Variants in DOCK5 observed in about 807,000 individuals in gnomAD.
The protein encoded by DOCK5 is dedicator of cytokinesis 5.
A neutral mutation model predicts 251.8 loss-of-function variants in DOCK5; 142 were observed. The ratio of observed to expected loss-of-function variants is 0.56; its 90% CI spans 0.49 to 0.65. The LOEUF is 0.65. DOCK5 is among the 30% of genes least tolerant of loss of function. DOCK5 has a pLI of 0.00. For missense variants in DOCK5, 2,111 were observed against 2,312.3 expected (o/e 0.91, Z 1.79); for synonymous variants, 842 against 835.5 (o/e 1.01, Z -0.13).
chr8:25,296,527 A>G lies in DOCK5; in HGVS notation c.485A>G (p.Asp162Gly), dbSNP rs376663203. ...IDHGNRMLGLDLVVRDDNGNI... is the reference protein window; with the variant it reads ...IDHGNRMLGLGLVVRDDNGNI... ...TTTCTCTCCAGAATGCTGGGGTTAG[A>G]TCTGGTGGTGCGAGATGACAATGGG... Residue 162 changes from aspartate (D) to glycine (G), a missense_variant, in exon 7 of 52, where the codon GAT becomes GGT. Asp to Gly is a moderately conservative substitution (Grantham distance 94). Coordinates refer to ENST00000276440, the MANE Select transcript of DOCK5 (RefSeq NM_024940.8). 7.1e-5 allele frequency: 115 copies of G among 1,610,094 alleles called. No individual in the cohort carries two copies. Among genetic ancestry groups the G allele is most frequent in the Admixed American group, 1.9e-4 (11 of 59,454 alleles).
At chr8:25,232,369 G>T (rs1391131213) in intron 1 of DOCK5, among the ~76,000 whole-genome samples, 3 of 152,168 alleles carry the variant, frequency 2.0e-5, no homozygotes, top group Admixed American at 6.5e-5. Flanking sequence ...TTGTTATGCA[G>T]GACCAACACA....
chr8:25,197,023 A>G (rs1043828875), intron 1 of DOCK5, among the ~76,000 whole-genome samples: 2 of 136,768 alleles, frequency 1.5e-5, no homozygotes, highest in African/African-American at 5.1e-5. Context: ...ACATAGTGAG[A>G]CCCTGTCTAT....
intron 5 of DOCK5, among the ~76,000 whole-genome samples, chr8:25,289,999 A>T (rs1470839869): frequency 1.3e-5 from 2 of 152,154 alleles, no homozygotes; most frequent in African/African-American, 4.8e-5. Flanking sequence ...ACGCAAGATC[A>T]TATTGTCCTA....
intron 3 of DOCK5, chr8:25,270,692 A>C: frequency 4.1e-6 from 2 of 483,476 alleles, no homozygotes; most frequent in Non-Finnish European, 7.5e-6. Context: ...CTTCTTTTTC[A>C]TAGACTACAG....
At chr8:25,367,566 C>T (rs1410053330) in intron 31 of DOCK5, among the ~76,000 whole-genome samples, 2 of 152,170 alleles carry the variant, frequency 1.3e-5, no homozygotes, top group East Asian at 1.9e-4. Flanking sequence ...TTGTGTTCCC[C>T]TTGTTGGGAT....
chr8:25,393,202 C>G (rs760077492), intron 44 of DOCK5, among the ~76,000 whole-genome samples: 1 of 152,138 alleles, frequency 6.6e-6, no homozygotes, highest in Non-Finnish European at 1.5e-5. Flanking sequence ...TTACATCTTC[C>G]CTCCCAAAGC....
At chr8:25,202,048 G>A (rs548368755) in intron 1 of DOCK5, among the ~76,000 whole-genome samples, 5 of 151,968 alleles carry the variant, frequency 3.3e-5, no homozygotes, top group South Asian at 4.2e-4. Context: ...ACAGAGTCTC[G>A]CTCTGTCACC....
intron 16 of DOCK5, among the ~76,000 whole-genome samples, chr8:25,323,303 T>C (rs1805475233): frequency 6.6e-6 from 1 of 152,200 alleles, no homozygotes; most frequent in Non-Finnish European, 1.5e-5. Flanking sequence ...AGAATAAATA[T>C]CTTGCAGAGC....
chr8:25,370,791 C>T (rs769123236), intron 34 of DOCK5, among the ~76,000 whole-genome samples: 4 of 151,992 alleles, frequency 2.6e-5, no homozygotes, highest in Non-Finnish European at 4.4e-5. Flanking sequence ...TAGGCGTGCA[C>T]CACCATGCCC....
intron 1 of DOCK5, among the ~76,000 whole-genome samples, chr8:25,224,978 A>G (rs1161559742): frequency 6.6e-6 from 1 of 152,250 alleles, no homozygotes; most frequent in Admixed American, 6.5e-5. Flanking sequence ...GGCCACGAGC[A>G]TATGAAAAGA....
intron 14 of DOCK5, among the ~76,000 whole-genome samples, chr8:25,318,458 C>T (rs1285997611): frequency 1.3e-5 from 2 of 150,292 alleles, no homozygotes; most frequent in African/African-American, 4.9e-5. Context: ...CTTTCCGCTC[C>T]CTTCCCTTCT....
Position 25,389,245 on chromosome 8 carries a change from G to A in DOCK5, c.4273+13G>A. The A allele has an allele frequency of 6.2e-7, 1 of 1,611,330 alleles. No homozygotes were observed. Among genetic ancestry groups the A allele is most frequent in the East Asian group, 2.2e-5 (1 of 44,780 alleles). ...TCCCCCAAGCAGTGTATCCTTTCCGGGGGGAGTATGGCCCCGAGGCTCTTA... is the reference window on the plus strand; with the variant it reads ...TCCCCCAAGCAGTGTATCCTTTCCGAGGGGAGTATGGCCCCGAGGCTCTTA... On this transcript the variant is annotated intron_variant, in intron 41 of 51. Transcript: ENST00000276440.
In DOCK5 at chr8:25,296,535, G is replaced by A; in HGVS notation, c.493G>A (p.Val165Met). 4 of 1,610,756 alleles carry A rather than the reference G, an allele frequency of 2.5e-6. No homozygotes were observed. The highest frequency in any genetic ancestry group is 2.5e-6 in the Non-Finnish European group (3 of 1,178,538). ...GNRMLGLDLV[V>M]RDDNGNILDP... ...CAGAATGCTGGGGTTAGATCTGGTGGTGCGAGATGACAATGGGAACATCCT... is the reference window on the plus strand; with the variant it reads ...CAGAATGCTGGGGTTAGATCTGGTGATGCGAGATGACAATGGGAACATCCT... The change falls in exon 7 of 52, where the codon GTG becomes ATG. Residue 165 changes from valine to methionine, a missense_variant. This residue lies in a region of DOCK5 where 335 missense variants were observed against 324.9 expected (regional missense o/e 1.03). Coordinates refer to ENST00000276440, the MANE Select transcript of DOCK5 (RefSeq NM_024940.8).
intron 2 of DOCK5, among the ~76,000 whole-genome samples, chr8:25,256,833 C>T (rs554657724): frequency 6.6e-6 from 1 of 151,102 alleles, no homozygotes; most frequent in East Asian, 1.9e-4. Flanking sequence ...CCATGTTTCT[C>T]GATTATTCTA....
chr8:25,323,782 C>T (rs532892331), intron 16 of DOCK5, 66 bp from the exon 17 acceptor site: 126 of 1,539,370 alleles, frequency 8.2e-5, no homozygotes, highest in East Asian at 5.0e-4. Flanking sequence ...AATGTGAAAT[C>T]GTGTCATAGC....
chr8:25,350,934 A>G (rs1179756127), intron 26 of DOCK5, among the ~76,000 whole-genome samples: 1 of 152,198 alleles, frequency 6.6e-6, no homozygotes, highest in African/African-American at 2.4e-5. Context: ...CTCCATAACA[A>G]TTCCCTTGAC....
chr8:25,264,877 A>G (rs1160528960), intron 2 of DOCK5, among the ~76,000 whole-genome samples: 1 of 151,966 alleles, frequency 6.6e-6, no homozygotes, highest in Admixed American at 6.5e-5. Flanking sequence ...ATGACATTTG[A>G]AACCCTCCAA....
intron 6 of DOCK5, among the ~76,000 whole-genome samples, chr8:25,293,974 A>T (rs1804555222): frequency 6.6e-6 from 1 of 152,202 alleles, no homozygotes; most frequent in Non-Finnish European, 1.5e-5. Context: ...ACTGCACTCC[A>T]GCCTGGGTGA....
At chr8:25,338,254 T>A (rs1188285964) in intron 22 of DOCK5, among the ~76,000 whole-genome samples, 1 of 151,830 alleles carries the variant, frequency 6.6e-6, no homozygotes, top group Non-Finnish European at 1.5e-5. Flanking sequence ...TTACCCAGTC[T>A]GGTCTCAAAC....
Sources: gnomAD v4.1 joint callset for allele counts (sites outside exome capture counted in the v4.1 genomes callset) on GRCh38, gnomAD v4.1.1 for gene constraint, gnomAD v4.1.1 regional missense constraint, MANE v1.5 for transcripts, NCBI Gene and HGNC (gene_info 2026-07-23, HGNC 2026-07-21) for gene names.